Variants in PARP1 observed in about 807,000 individuals in gnomAD.
PARP1 encodes the protein poly(ADP-ribose) polymerase 1, also known as poly [ADP-ribose] polymerase 1.
Under a neutral mutation model 118.7 loss-of-function variants are expected in PARP1, and 44 were observed. The ratio of observed to expected loss-of-function variants is 0.37; its 90% CI spans 0.29 to 0.48. The LOEUF (loss-of-function observed/expected upper bound fraction) is 0.48, where lower values mean the gene tolerates loss of function less well. PARP1 is among the 20% of genes least tolerant of loss of function. The pLI is 0.99. For missense variants in PARP1, 1,100 were observed against 1,272.4 expected, an observed-to-expected ratio of 0.86 and a Z score of 2.06; for synonymous variants, 492 against 483.2, an observed-to-expected ratio of 1.02 and a Z score of -0.24.
intron 14 of PARP1, chr1:226,370,835 A>G (rs1322369402): frequency 1.1e-5 from 4 of 378,180 alleles, no homozygotes; most frequent in Non-Finnish European, 2.0e-5. Context: ...TCCAATTCTG[A>G]TGTGCAGATG....
At chr1:226,365,818 G>T (rs925471938) in intron 18 of PARP1, 136 bp downstream of exon 18, 1 of 647,016 alleles carries the variant, frequency 1.5e-6, no homozygotes, top group Non-Finnish European at 2.8e-6. Context: ...TAATTTTTCT[G>T]CTGAACAAAT....
chr1:226,401,061 A>G (rs1457952733), intron 2 of PARP1, among the ~76,000 whole-genome samples: 1 of 152,198 alleles, frequency 6.6e-6, no homozygotes, highest in Non-Finnish European at 1.5e-5. Context: ...CTGCTCTGCT[A>G]TGTCACCTGA....
intron 1 of PARP1, among the ~76,000 whole-genome samples, chr1:226,407,476 T>G (rs1239624339): frequency 6.6e-6 from 1 of 151,820 alleles, no homozygotes; most frequent in East Asian, 1.9e-4. Flanking sequence ...AGAGACCATG[T>G]ACAATTCCCC....
intron 2 of PARP1, among the ~76,000 whole-genome samples, chr1:226,401,490 T>C (rs558209659): frequency 8.5e-5 from 13 of 152,358 alleles, no homozygotes; most frequent in Admixed American, 3.9e-4. Context: ...GGTCATCAGA[T>C]TGTTGTCACA....
intron 2 of PARP1, among the ~76,000 whole-genome samples, chr1:226,394,704 C>T (rs1027718308): frequency 2.6e-5 from 4 of 152,006 alleles, no homozygotes; most frequent in Non-Finnish European, 5.9e-5. Flanking sequence ...GCCCAGGAGG[C>T]CAAGGCTGGA....
At position 226,380,042 on chromosome 1, in the gene PARP1, C is replaced by T. The variant is rs1664573732; in HGVS notation, c.1423G>A (p.Ala475Thr). 7 of 1,614,088 alleles carry T rather than the reference C, an allele frequency of 4.3e-6. No individual in the cohort carries two copies. The highest frequency in any genetic ancestry group is 5.1e-6 in the Non-Finnish European group (6 of 1,180,048). The change falls in exon 10 of 23, where the codon GCG becomes ACG. Residue 475 changes from alanine (A) to threonine (T), a missense_variant. Physicochemically the swap from Ala to Thr is moderately conservative, Grantham distance 58. Around this residue, in one of 2 missense-constraint regions of PARP1, gnomAD observed 948 missense variants for 1,031.8 expected, o/e 0.92. Transcript: ENST00000366794. ...STKSLQELFLAHILSPWGAEV... is the reference protein window; with the variant it reads ...STKSLQELFLTHILSPWGAEV... ...GCCCCCCAAGGGGACAAGATGTGCGCTAAGAACAACTCCTGAAGGCTCTTG... is the reference window on the plus strand; with the variant it reads ...GCCCCCCAAGGGGACAAGATGTGCGTTAAGAACAACTCCTGAAGGCTCTTG...
rs1379535271 is a variant in PARP1, at chr1:226,383,052, G to C, written c.1143C>G (p.Asn381Lys). The C allele has an allele frequency of 9.9e-6, 16 of 1,612,774 alleles. No individual in the cohort carries two copies. Among genetic ancestry groups the C allele is most frequent in the Admixed American group, 1.7e-5 (1 of 60,014 alleles). ...ATGCTGTACCTGCTGAAGCAGAGGA[G>C]TTCACAGCAGCAGGAGCCGAGGCTG... ...PSTASAPAAV[N>K]SSASADKPLS... The change falls in exon 8 of 23, where the codon AAC (asparagine) becomes AAG (lysine). Residue 381 changes from asparagine (N) to lysine (K), a missense_variant. Physicochemically the swap from Asn to Lys is moderately conservative, Grantham distance 94. Around this residue, in one of 2 missense-constraint regions of PARP1, gnomAD observed 948 missense variants for 1,031.8 expected, o/e 0.92. Transcript: ENST00000366794.
chr1:226,393,030 A>G, intron 2 of PARP1: 1 of 1,489,876 alleles, frequency 6.7e-7, no homozygotes, highest in South Asian at 1.3e-5. Context: ...GTAAGTTTGG[A>G]AAATAGTAAG....
intron 7 of PARP1, among the ~76,000 whole-genome samples, chr1:226,384,089 A>C (rs1055757902): frequency 6.6e-6 from 1 of 152,226 alleles, no homozygotes; most frequent in Non-Finnish European, 1.5e-5. Flanking sequence ...GAGACAGGGA[A>C]TGCTAGCATG....
At position 226,386,355 on chromosome 1, in the gene PARP1, T is replaced by C; in HGVS notation, c.805A>G (p.Lys269Glu). The change falls in exon 6 of 23, where the codon AAG becomes GAG. Residue 269 changes from lysine (K) to glutamate (E), a missense_variant. Around this residue, in one of 2 missense-constraint regions of PARP1, gnomAD observed 948 missense variants for 1,031.8 expected, o/e 0.92. Coordinates refer to ENST00000366794, the MANE Select transcript of PARP1 (RefSeq NM_001618.4). ...GACTCCCCAGAAGGCACTTGCTGCT[T>C]GTTGAAGATGAGTAGCTCCTTCAGG... ...NDLKELLIFN[K>E]QQVPSGESAI... 6.2e-7 allele frequency: 1 copy of C among 1,613,106 alleles called. No individual in the cohort carries two copies. The highest frequency in any genetic ancestry group is 8.5e-7 in the Non-Finnish European group (1 of 1,179,050).
At chr1:226,370,132 G>C (rs1350296949) in intron 15 of PARP1, among the ~76,000 whole-genome samples, 1 of 152,104 alleles carries the variant, frequency 6.6e-6, no homozygotes, top group Non-Finnish European at 1.5e-5. Flanking sequence ...AATCCCCGAG[G>C]ATACAGAGGG....
intron 17 of PARP1, 47 bp downstream of exon 17, chr1:226,367,433 C>G: frequency 6.2e-7 from 1 of 1,610,340 alleles, no homozygotes; most frequent in Non-Finnish European, 8.5e-7. Flanking sequence ...GACCGCTGCT[C>G]TCAGGATGAG....
At chr1:226,363,189 G>C in intron 20 of PARP1, 29 bp from the exon 21 acceptor site, 1 of 1,526,794 alleles carries the variant, frequency 6.5e-7, no homozygotes, top group Non-Finnish European at 9.1e-7. Flanking sequence ...TCTCAGAAGA[G>C]GCCTTCACAC....
intron 14 of PARP1, among the ~76,000 whole-genome samples, chr1:226,371,827 C>T (rs966929802): frequency 6.6e-6 from 1 of 151,656 alleles, no homozygotes; most frequent in Non-Finnish European, 1.5e-5. Flanking sequence ...AAAGAAAATA[C>T]CTAGTTTCCC....
chr1:226,368,205 A>T lies in PARP1; in HGVS notation c.2271T>A (p.Ser757Arg), dbSNP rs572288761. ...TTCTGAACCCTTGCGCTACCTGCAC[A>T]CTGTCTGCATTGTTCAGGAGCGGAG... is the stretch of plus-strand genomic sequence containing the variant. ...KKPPLLNNADSVQAKVEMLDN... is the reference protein window; with the variant it reads ...KKPPLLNNADRVQAKVEMLDN... Residue 757 changes from serine (S) to arginine (R), a missense_variant, in exon 16 of 23, where the codon AGT (serine) becomes AGA (arginine). Around this residue, in one of 2 missense-constraint regions of PARP1, gnomAD observed 948 missense variants for 1,031.8 expected, o/e 0.92. Transcript: ENST00000366794. 1 of 1,614,198 alleles carries T rather than the reference A, an allele frequency of 6.2e-7. No individual in the cohort carries two copies. Among genetic ancestry groups the T allele is most frequent in the Admixed American group, 1.7e-5 (1 of 60,022 alleles).
chr1:226,368,953 C>T (rs1664325184), intron 15 of PARP1, among the ~76,000 whole-genome samples: 2 of 152,138 alleles, frequency 1.3e-5, no homozygotes, highest in East Asian at 3.9e-4. Flanking sequence ...GCCTAGGTGA[C>T]CACAGGAAGG....
Position 226,380,094 on chromosome 1 carries a change from G to C in PARP1, c.1371C>G (p.Asp457Glu), listed in dbSNP as rs143814826. 4 of 1,614,072 alleles carry C rather than the reference G, an allele frequency of 2.5e-6. No individual in the cohort carries two copies. Among genetic ancestry groups the C allele is most frequent in the Non-Finnish European group, 3.4e-6 (4 of 1,180,032 alleles). The part of the protein sequence containing the change: ...KEANIRVVSE[D>E]FLQDVSASTK... ...TGGAGGCGGAGACGTCCTGGAGGAAGTCCTCAGACACAACTCGGATGTTGG... is the reference window on the plus strand; with the variant it reads ...TGGAGGCGGAGACGTCCTGGAGGAACTCCTCAGACACAACTCGGATGTTGG... The change falls in exon 10 of 23, where the codon GAC becomes GAG. Residue 457 changes from aspartate (D) to glutamate (E), a missense_variant. By Grantham distance (45) the Asp-to-Glu change is conservative. Coordinates refer to ENST00000366794, the MANE Select transcript of PARP1 (RefSeq NM_001618.4).
At position 226,370,513 on chromosome 1, in the gene PARP1, T is replaced by C; in HGVS notation, c.2075A>G (p.Asp692Gly). Reference protein sequence around the residue: ...MKKAMVEYEIDLQKMPLGKLS... With the variant: ...MKKAMVEYEIGLQKMPLGKLS... ...CTTCCCCAAGGGCATCTTCTGAAGG[T>C]CGATCTGAGGAGACAGGGGATTTCG... The change falls in exon 15 of 23, where the codon GAC (aspartate) becomes GGC (glycine). Residue 692 changes from aspartate to glycine, a missense_variant. Physicochemically the swap from Asp to Gly is moderately conservative, Grantham distance 94. This residue lies in a region of PARP1 where 948 missense variants were observed against 1,031.8 expected (regional missense o/e 0.92). Coordinates refer to ENST00000366794, the MANE Select transcript of PARP1 (RefSeq NM_001618.4). 6.2e-7 allele frequency: 1 copy of C among 1,613,228 alleles called. No individual in the cohort carries two copies. Among genetic ancestry groups the C allele is most frequent in the South Asian group, 1.1e-5 (1 of 91,056 alleles).
rs753181414 is a variant in PARP1, at chr1:226,402,315, T to C, written c.185A>G (p.His62Arg). The part of the protein sequence containing the change: ...YHFSCFWKVG[H>R]SIRHPDVEVD... ...CTCAACGTCAGGGTGCCGGATGGAGTGGCCCACCTTCCAGAAGCAGGAGAA... is the reference window on the plus strand; with the variant it reads ...CTCAACGTCAGGGTGCCGGATGGAGCGGCCCACCTTCCAGAAGCAGGAGAA... Residue 62 changes from histidine (H) to arginine (R), a missense_variant, in exon 2 of 23, where the codon CAC (histidine) becomes CGC (arginine). Physicochemically the swap from His to Arg is conservative, Grantham distance 29. Around this residue, in one of 2 missense-constraint regions of PARP1, gnomAD observed 948 missense variants for 1,031.8 expected, o/e 0.92. Coordinates refer to ENST00000366794, the MANE Select transcript of PARP1 (RefSeq NM_001618.4). The C allele has an allele frequency of 1.2e-6, 2 of 1,613,976 alleles. No homozygotes were observed. The highest frequency in any genetic ancestry group is 1.7e-6 in the Non-Finnish European group (2 of 1,180,008).
Sources: allele counts gnomAD v4.1 joint callset (sites outside exome capture counted in the v4.1 genomes callset), GRCh38; gene constraint gnomAD v4.1.1; regional missense constraint gnomAD v4.1.1; transcripts MANE v1.5; gene names NCBI Gene and HGNC (gene_info 2026-07-23, HGNC 2026-07-21).